Variants in ATP8B1 observed in about 807,000 individuals in gnomAD.
The protein encoded by ATP8B1 is phospholipid-transporting ATPase IC.
Under a neutral mutation model 149.9 loss-of-function variants are expected in ATP8B1, and 80 were observed. The ratio of observed to expected loss-of-function variants is 0.53; its 90% CI spans 0.45 to 0.64. ATP8B1 has a LOEUF of 0.64. Among genes scored for constraint, ATP8B1 ranks in the 30% least tolerant of loss-of-function variants. The pLI is 0.00. For missense variants in ATP8B1, 1,247 were observed against 1,552.6 expected (o/e 0.80, Z 3.31); for synonymous variants, 536 against 562.8 (o/e 0.95, Z 0.67).
chr18:57,725,421 A>G (rs2079697420), intron 2 of ATP8B1, among the ~76,000 whole-genome samples: 1 of 152,210 alleles, frequency 6.6e-6, no homozygotes, highest in Admixed American at 6.6e-5. Context: ...TTCCATGCTC[A>G]TGGATTGGAA....
intron 1 of ATP8B1, among the ~76,000 whole-genome samples, chr18:57,754,946 A>G (rs2080063363): frequency 6.6e-6 from 1 of 152,202 alleles, no homozygotes; most frequent in African/African-American, 2.4e-5. Context: ...AATTTAGAAT[A>G]TAATATGAAC....
chr18:57,768,254 G>GGGGGCACCTGTAGTCCCAGCTACTGGGGA (rs1365678017), intron 1 of ATP8B1, among the ~76,000 whole-genome samples: 26 of 151,634 alleles, frequency 1.7e-4, no homozygotes, highest in African/African-American at 6.3e-4. Flanking sequence ...AGGTGTGGTG[G>GGGGGCACCTGTAGTCCCAGCTACTGGGGA]GGGGCACCTG....
At chr18:57,761,944 T>TAAA (rs71171087) in intron 1 of ATP8B1, among the ~76,000 whole-genome samples, 2 of 98,196 alleles carry the variant, frequency 2.0e-5, no homozygotes, top group African/African-American at 4.0e-5. Context: ...GCAAGACTGT[T>TAAA]AAAAAAAAAA....
Position 57,782,821 on chromosome 18 carries a change from T to TTTC in ATP8B1, c.-26+20176_-26+20177insGAA, listed in dbSNP as rs1555656618. 1.3e-3 allele frequency among the ~76,000 whole-genome samples: 137 copies of TTTC among 103,754 alleles called. 2 individuals carry two copies. The highest frequency in any genetic ancestry group is 3.9e-3 in the African/African-American group (123 of 31,440). 68.1% of individuals were successfully genotyped at this position (103,754 alleles called of 152,430 possible). Reference sequence around the variant, plus strand: ...TTTGTCTCTTTTTTTTTTTTTTTTTTTTTTTTTTTGAGACAGAGTCTCACT... The same window carrying TTTC: ...TTTGTCTCTTTTTTTTTTTTTTTTTTTTCTTTTTTTTTGAGACAGAGTCTCACT... On this transcript the variant is annotated intron_variant, in intron 1 of 27. Transcript: ENST00000648908.
At chr18:57,698,347 A>AT (rs11388498) in intron 6 of ATP8B1, among the ~76,000 whole-genome samples, 16,420 of 149,536 alleles carry the variant, frequency 0.11, 1,845 homozygotes, top group African/African-American at 0.29. Context: ...TTATTTATTA[A>AT]TTTTTTTTTT....
In ATP8B1 at chr18:57,671,597, G is replaced by A; in HGVS notation, c.1820-17C>T. ...GGGTTCTTACTGGTAGTAAAAGAAG[G>A]AAATAAACACAACAAAGTTTGATTT... On this transcript the variant is annotated splice_polypyrimidine_tract_variant and intron_variant, in intron 16 of 27. Transcript: ENST00000648908. 1.3e-6 allele frequency: 2 copies of A among 1,547,296 alleles called. No individual in the cohort carries two copies. The highest frequency in any genetic ancestry group is 8.9e-7 in the Non-Finnish European group (1 of 1,119,382).
At chr18:57,732,205 A>G (rs1379320656) in intron 1 of ATP8B1, among the ~76,000 whole-genome samples, 5 of 75,338 alleles carry the variant, frequency 6.6e-5, no homozygotes, top group African/African-American at 2.0e-4. Context: ...ATGTGTATAT[A>G]TGTATATATG....
chr18:57,733,063 A>T (rs1599169634), intron 1 of ATP8B1, among the ~76,000 whole-genome samples: 1 of 152,302 alleles, frequency 6.6e-6, no homozygotes. Context: ...TGTATCTGGA[A>T]TTTGTGTTTG....
chr18:57,697,897 G>T (rs1206417906), intron 6 of ATP8B1, 30 bp from the exon 7 acceptor site: 2 of 1,554,140 alleles, frequency 1.3e-6, no homozygotes, highest in Non-Finnish European at 8.9e-7. Flanking sequence ...AGGATTTATT[G>T]ACATTTTAAG....
intron 1 of ATP8B1, among the ~76,000 whole-genome samples, chr18:57,781,296 C>T (rs891276804): frequency 1.3e-5 from 2 of 152,102 alleles, no homozygotes; most frequent in Non-Finnish European, 2.9e-5. Flanking sequence ...CCAGTAGGTG[C>T]GTTATTTTAA....
intron 1 of ATP8B1, among the ~76,000 whole-genome samples, chr18:57,761,726 G>A (rs368453006): frequency 5.4e-4 from 81 of 150,914 alleles, no homozygotes; most frequent in African/African-American, 1.4e-3. Flanking sequence ...AGGCTGAGGC[G>A]GGCGGATCAC....
Position 57,763,457 on chromosome 18 carries a change from G to A in ATP8B1, c.-25-31625C>T, listed in dbSNP as rs78181257. On this transcript the variant is annotated intron_variant, in intron 1 of 27. Coordinates refer to ENST00000648908, the MANE Select transcript of ATP8B1 (RefSeq NM_001374385.1). ...TGTTTCCACAAATTGTATCAGAAAC[G>A]AGAGGTAACATTTCAACATTTAAGC... Among the ~76,000 whole-genome samples the A allele has an allele frequency of 1.1e-3, 167 of 152,122 alleles. 1 individual carries two copies. Among genetic ancestry groups the A allele is most frequent in the South Asian group, 1.9e-3 (9 of 4,818 alleles).
At chr18:57,779,121 G>A (rs918575850) in intron 1 of ATP8B1, among the ~76,000 whole-genome samples, 2 of 152,014 alleles carry the variant, frequency 1.3e-5, no homozygotes, top group East Asian at 1.9e-4. Flanking sequence ...CCAGGAGTTC[G>A]AGACCAGCCC....
chr18:57,687,174 T>C lies in ATP8B1; in HGVS notation c.1429+1125A>G, dbSNP rs193271016. 8.5e-5 allele frequency among the ~76,000 whole-genome samples: 13 copies of C among 152,288 alleles called. 1 individual carries two copies. In the East Asian group the frequency reaches 2.3e-3, roughly 27 times the overall value. On this transcript the variant is annotated intron_variant, in intron 13 of 27. Coordinates refer to ENST00000648908, the MANE Select transcript of ATP8B1 (RefSeq NM_001374385.1). ...ATACAGTTCAGTGGCATCAAGTATA[T>C]TCACACTGTTGTGCAGCTGTTTCAT... is the stretch of plus-strand genomic sequence containing the variant.
intron 15 of ATP8B1, among the ~76,000 whole-genome samples, chr18:57,676,685 C>T (rs1404165982): frequency 1.5e-5 from 2 of 130,978 alleles, no homozygotes; most frequent in African/African-American, 5.8e-5. Flanking sequence ...CGCCACTGCA[C>T]TCCACCCTGG....
intron 25 of ATP8B1, 121 bp downstream of exon 25, chr18:57,652,363 A>G: frequency 6.7e-6 from 10 of 1,496,866 alleles, no homozygotes; most frequent in South Asian, 1.2e-5. Flanking sequence ...TGAAAATAGC[A>G]TTTATATTTT....
At chr18:57,705,761 ACTT>A (rs1913358861) in intron 3 of ATP8B1, among the ~76,000 whole-genome samples, 1 of 152,154 alleles carries the variant, frequency 6.6e-6, no homozygotes, top group Non-Finnish European at 1.5e-5. Flanking sequence ...GAGAGAGTAA[ACTT>A]CTGTTGTTTT....
intron 20 of ATP8B1, among the ~76,000 whole-genome samples, 192 bp from the exon 21 acceptor site, chr18:57,662,807 G>T (rs1315527530): frequency 6.6e-6 from 1 of 152,124 alleles, no homozygotes; most frequent in Non-Finnish European, 1.5e-5. Context: ...AGGCTGGAGA[G>T]CAGTGGCATG....
intron 13 of ATP8B1, among the ~76,000 whole-genome samples, chr18:57,687,443 C>T (rs1369222146): frequency 1.3e-5 from 2 of 152,178 alleles, no homozygotes; most frequent in Non-Finnish European, 1.5e-5. Context: ...TTATTTATAT[C>T]CTACTGCTCA....
Sources: gnomAD v4.1 joint callset for allele counts (sites outside exome capture counted in the v4.1 genomes callset) on GRCh38, gnomAD v4.1.1 for gene constraint, MANE v1.5 for transcripts, NCBI Gene and HGNC (gene_info 2026-07-23, HGNC 2026-07-21) for gene names.